PPHLN1: variants seen among roughly 807,000 people sequenced by gnomAD.
The protein encoded by PPHLN1 is periphilin 1, also known as periphilin-1.
PPHLN1 carries 29 observed loss-of-function variants against 51.3 expected under a neutral mutation model. The observed-to-expected ratio is 0.57, with a 90% confidence interval of 0.42 to 0.77. The LOEUF (loss-of-function observed/expected upper bound fraction) is 0.77, where lower values mean the gene tolerates loss of function less well. PPHLN1 is among the 30% of genes least tolerant of loss of function. The pLI is 0.00. For synonymous variants in PPHLN1, 147 were observed against 147.8 expected, an observed-to-expected ratio of 0.99 and a Z score of 0.04; for missense variants, 436 against 438.4, an observed-to-expected ratio of 0.99 and a Z score of 0.05.
At chr12:42,335,687 G>GT (rs10648343) in intron 1 of PPHLN1, among the ~76,000 whole-genome samples, 196 bp from the exon 2 acceptor site, 3,526 of 113,676 alleles carry the variant, frequency 0.031, 65 homozygotes, top group South Asian at 0.069. Flanking sequence ...GGCTTTCCGT[G>GT]TTTTTTTTTT....
chr12:42,446,126 A>C (rs1355045701), downstream of PPHLN1: 10 of 1,569,708 alleles, frequency 6.4e-6, no homozygotes, highest in South Asian at 1.2e-4. Flanking sequence ...GGTTCGTCGG[A>C]CGACACAGCT....
intron 4 of PPHLN1, among the ~76,000 whole-genome samples, chr12:42,367,843 T>A (rs1393934636): frequency 6.6e-6 from 1 of 152,184 alleles, no homozygotes; most frequent in African/African-American, 2.4e-5. Context: ...CAAGCCATTC[T>A]CCTGCCTCAG....
intron 9 of PPHLN1, among the ~76,000 whole-genome samples, chr12:42,401,131 C>T (rs1478261361): frequency 6.6e-6 from 1 of 152,098 alleles, no homozygotes; most frequent in Non-Finnish European, 1.5e-5. Flanking sequence ...GTACCAGTCA[C>T]CGTCAACCTT....
At position 42,398,884 on chromosome 12, in the gene PPHLN1, C is replaced by T. The variant is rs1355599763; in HGVS notation, c.799C>T (p.Gln267Ter). The T allele has an allele frequency of 5.0e-6, 8 of 1,613,880 alleles. No individual in the cohort carries two copies. Among genetic ancestry groups the T allele is most frequent in the Non-Finnish European group, 6.8e-6 (8 of 1,179,912 alleles). ...ATCCACAGCACCATTGTTTACTGAC[C>T]AGCCAGAGGAACCTGAGTCAAACAC... Reference protein sequence around the residue: ...AGSTAPLFTDQPEEPESNTTH... With the variant: ...AGSTAPLFTD Residue 267 changes from glutamine (Q) to a stop codon, truncating the protein, a stop_gained, in exon 9 of 10, where the codon CAG (glutamine) becomes TAG (stop). Transcript: ENST00000358314. LOFTEE classifies it high-confidence loss of function.
intron 2 of PPHLN1, among the ~76,000 whole-genome samples, chr12:42,347,597 C>T (rs1447002513): frequency 1.3e-5 from 2 of 152,072 alleles, no homozygotes; most frequent in African/African-American, 4.8e-5. Context: ...CTGACCAGTA[C>T]GGTGAAATCC....
chr12:42,387,099 T>A (rs1158385171), intron 6 of PPHLN1: 1 of 160,010 alleles, frequency 6.2e-6, no homozygotes, highest in African/African-American at 2.4e-5. Context: ...TACCTTTGTA[T>A]TTTTATTGTG....
intron 9 of PPHLN1, among the ~76,000 whole-genome samples, chr12:42,425,151 G>A (rs2081335346): frequency 6.6e-6 from 1 of 151,806 alleles, no homozygotes; most frequent in Non-Finnish European, 1.5e-5. Flanking sequence ...CGCGATCTCG[G>A]CTCACTGCAA....
At chr12:42,385,859 T>C (rs2077148335) in intron 6 of PPHLN1, among the ~76,000 whole-genome samples, 1 of 152,188 alleles carries the variant, frequency 6.6e-6, no homozygotes, top group Non-Finnish European at 1.5e-5. Context: ...TTCTGGGAGC[T>C]TTTGGTGTAA....
Position 42,408,379 on chromosome 12 carries a change from C to CTT in PPHLN1, c.909+9397_909+9398dup, listed in dbSNP as rs35437760. On this transcript the variant is annotated intron_variant, in intron 9 of 9. Transcript: ENST00000358314. ...TACAAAAATTAGCCAAGTGTGGTGG[C>CTT]TTTTTTTTTTTTTAACATTACTTTT... Among the ~76,000 whole-genome samples, 1,086 of 142,304 alleles carry CTT rather than the reference C, an allele frequency of 7.6e-3. 38 individuals are homozygous for CTT. The East Asian group carries it at 0.09, about 12-fold the overall frequency. 93.4% of individuals were successfully genotyped at this position (142,304 alleles called of 152,430 possible).
At chr12:42,355,009 T>G in intron 3 of PPHLN1, 152 bp from the exon 4 acceptor site, 1 of 664,518 alleles carries the variant, frequency 1.5e-6, no homozygotes, top group Non-Finnish European at 2.7e-6. Context: ...ACTCTTTCAG[T>G]TGTTGAAATG....
At chr12:42,417,943 GT>G (rs371302578) in intron 9 of PPHLN1, among the ~76,000 whole-genome samples, 18,702 of 87,804 alleles carry the variant, frequency 0.21, 763 homozygotes, top group Middle Eastern at 0.29. Context: ...TTTTTTTTTT[GT>G]TTTTTTTTTT....
chr12:42,343,144 G>A (rs1373148350), intron 2 of PPHLN1, among the ~76,000 whole-genome samples: 2 of 152,110 alleles, frequency 1.3e-5, no homozygotes, highest in Non-Finnish European at 2.9e-5. Context: ...TAGTAATTCA[G>A]TTATATACAT....
chr12:42,345,903 T>G (rs557344439), intron 2 of PPHLN1, among the ~76,000 whole-genome samples: 2 of 152,096 alleles, frequency 1.3e-5, no homozygotes, highest in African/African-American at 4.8e-5. Flanking sequence ...TTTCTTTCCA[T>G]TTTTTATTTT....
chr12:42,411,820 G>T (rs747018615), intron 9 of PPHLN1, among the ~76,000 whole-genome samples: 1 of 148,950 alleles, frequency 6.7e-6, no homozygotes, highest in Non-Finnish European at 1.5e-5. Context: ...CACGAGAATC[G>T]CTGGCACCCA....
intron 8 of PPHLN1, among the ~76,000 whole-genome samples, chr12:42,398,065 C>T (rs1436893505): frequency 6.6e-6 from 1 of 151,598 alleles, no homozygotes; most frequent in Non-Finnish European, 1.5e-5. Flanking sequence ...TTTGCTACTT[C>T]TTCTAAGTTG....
At chr12:42,442,824 A>G (rs534636330), downstream of PPHLN1, 3 of 1,595,696 alleles carry the variant, frequency 1.9e-6, no homozygotes, top group African/African-American at 4.0e-5. Context: ...ACAGCTATCC[A>G]CACAACAGAA....
chr12:42,331,134 A>G (rs2069671981), intron 1 of PPHLN1, among the ~76,000 whole-genome samples: 1 of 152,214 alleles, frequency 6.6e-6, no homozygotes, highest in Non-Finnish European at 1.5e-5. Flanking sequence ...TGCCAGTGCA[A>G]AGACCTATGT....
At chr12:42,378,094 T>C (rs1410741881) in intron 5 of PPHLN1, among the ~76,000 whole-genome samples, 8 of 2,636 alleles carry the variant, frequency 3.0e-3, no homozygotes, top group South Asian at 0.024. Context: ...ATCTTTCTCT[T>C]TCTTTCTTTC....
chr12:42,376,342 C>T (rs139423124), intron 5 of PPHLN1, among the ~76,000 whole-genome samples: 99 of 152,292 alleles, frequency 6.5e-4, no homozygotes, highest in African/African-American at 2.3e-3. Context: ...ATTGTCTTCC[C>T]TTGAAGCTGT....
Sources: gnomAD v4.1 joint callset for allele counts (sites outside exome capture counted in the v4.1 genomes callset) on GRCh38, gnomAD v4.1.1 for gene constraint, MANE v1.5 for transcripts, NCBI Gene and HGNC (gene_info 2026-07-23, HGNC 2026-07-21) for gene names.